The following KCNK18 variants were observed in gnomAD, a reference collection of about 807,000 sequenced individuals.
KCNK18 encodes the protein potassium channel subfamily K member 18.
In KCNK18, 8 loss-of-function variants were observed where a neutral mutation model predicts 11.8. That is an observed-to-expected ratio of 0.68 (90% CI 0.40 to 1.22). The LOEUF is 1.22. Among genes scored for constraint, KCNK18 ranks in the 50% most tolerant of loss-of-function variants. KCNK18 has a pLI of 0.01. For synonymous variants in KCNK18, 208 were observed against 185.8 expected, an observed-to-expected ratio of 1.12 and a Z score of -0.97; for missense variants, 442 against 465.4, an observed-to-expected ratio of 0.95 and a Z score of 0.46.
intron 2 of KCNK18, among the ~76,000 whole-genome samples, chr10:117,202,804 C>T (rs1317043949): frequency 6.6e-6 from 1 of 151,642 alleles, no homozygotes; most frequent in African/African-American, 2.4e-5. Context: ...CCGGTGTCTG[C>T]TGCACCCAGC....
rs75191586 is a variant in KCNK18 at position 117,197,778 on chromosome 10, G to A, written c.223+67G>A. The A allele has an allele frequency of 6.6e-3, 9,470 of 1,427,690 alleles. 337 individuals are homozygous for A. In the African/African-American group the frequency reaches 0.094, roughly 14 times the overall value. The allele number at this position is 1,427,690 out of a possible 1,614,324, so 88.4% of individuals were successfully genotyped here. The stretch of plus-strand genomic sequence containing the variant: ...TGGCAGCAGTCCCCCAAGAGCAGAG[G>A]GCTGCCTTCTAGGAGGCTGGGTCTG... On this transcript the variant is annotated intron_variant, in intron 1 of 2. Coordinates refer to ENST00000334549, the MANE Select transcript of KCNK18 (RefSeq NM_181840.1).
chr10:117,202,736 G>A (rs1465461539), intron 2 of KCNK18, among the ~76,000 whole-genome samples: 16 of 152,280 alleles, frequency 1.1e-4, no homozygotes, highest in Non-Finnish European at 2.4e-4. Flanking sequence ...TCCTAAATCA[G>A]CTGGGGGAGC....
At chr10:117,203,079 G>A (rs1381575438) in intron 2 of KCNK18, among the ~76,000 whole-genome samples, 1 of 151,962 alleles carries the variant, frequency 6.6e-6, no homozygotes, top group Non-Finnish European at 1.5e-5. Flanking sequence ...GTTTCACCAT[G>A]TTAGCCAGGC....
At chr10:117,204,998 A>G (rs1166632971) in intron 2 of KCNK18, among the ~76,000 whole-genome samples, 1 of 152,222 alleles carries the variant, frequency 6.6e-6, no homozygotes, top group Non-Finnish European at 1.5e-5. Flanking sequence ...ATTACAAACA[A>G]CTGGAAGAGG....
chr10:117,202,966 T>C lies in KCNK18; in HGVS notation c.352+1679T>C, dbSNP rs544907457. Among the ~76,000 whole-genome samples the C allele has an allele frequency of 9.8e-5, 14 of 143,478 alleles. 1 individual carries two copies. In the South Asian group the frequency reaches 2.9e-3, roughly 30 times the overall value. 94.1% of individuals were successfully genotyped at this position (143,478 alleles called of 152,430 possible). On this transcript the variant is annotated intron_variant, in intron 2 of 2. Transcript: ENST00000334549. ...ATCTTGGCTCACTGCAACCTCTGCT[T>C]CCCTGGTTCAAGTGATTCTTGTGTC... is the stretch of plus-strand genomic sequence containing the variant.
chr10:117,202,886 C>CTTTTTTTTTTTTT (rs201850637), intron 2 of KCNK18, among the ~76,000 whole-genome samples: 2 of 123,000 alleles, frequency 1.6e-5, no homozygotes, highest in African/African-American at 6.8e-5. Flanking sequence ...TGCCTGAATG[C>CTTTTTTTTTTTTT]TTTTTTTTTT....
intron 2 of KCNK18, among the ~76,000 whole-genome samples, chr10:117,202,391 C>T (rs925153050): frequency 3.3e-5 from 5 of 152,214 alleles, no homozygotes; most frequent in Non-Finnish European, 5.9e-5. Context: ...TGGCTTAAAC[C>T]GCAAGGAGAA....
At chr10:117,197,825 C>T (rs1854968435) in intron 1 of KCNK18, 114 bp downstream of exon 1, 2 of 855,460 alleles carry the variant, frequency 2.3e-6, no homozygotes, top group African/African-American at 3.3e-5. Flanking sequence ...CCTGGATCCT[C>T]CTCATGCCTG....
intron 2 of KCNK18, among the ~76,000 whole-genome samples, chr10:117,208,029 A>T (rs1855095566): frequency 6.6e-6 from 1 of 151,812 alleles, no homozygotes; most frequent in African/African-American, 2.4e-5. Flanking sequence ...AGGGGAGGGG[A>T]GGGGCTCCCG....
Position 117,209,723 on chromosome 10 carries a change from G to A in KCNK18, c.579G>A (p.Lys193=), listed in dbSNP as rs1855120859. Residue 193 remains lysine (K), a synonymous_variant, in exon 3 of 3, where the codon AAG becomes AAA. Transcript: ENST00000334549. ...KSLFKKKPDP[K]PADEAVPQII... ...TCTTCAAGAAAAAACCGGACCCCAA[G>A]CCCGCAGATGAAGCTGTCCCTCAGA... 2 of 1,613,808 alleles carry A rather than the reference G, an allele frequency of 1.2e-6. No homozygotes were observed. Among genetic ancestry groups the A allele is most frequent in the Admixed American group, 1.7e-5 (1 of 59,986 alleles).
chr10:117,207,824 G>T (rs1855093389), intron 2 of KCNK18, among the ~76,000 whole-genome samples: 1 of 152,210 alleles, frequency 6.6e-6, no homozygotes, highest in Admixed American at 6.5e-5. Context: ...CTGAGGAGTT[G>T]CCTTCAGATT....
Position 117,210,035 on chromosome 10 carries a change from A to G in KCNK18, c.891A>G (p.Ala297=). 6.2e-7 allele frequency: 1 copy of G among 1,614,218 alleles called. No individual in the cohort carries two copies. The highest frequency in any genetic ancestry group is 8.5e-7 in the Non-Finnish European group (1 of 1,180,046). ...TTGTTTTTGCCTACATTTCCTGTGC[A>G]GCTGCCATCCTCCCCTTCTGGGAGA... ...ALIVFAYISC[A]AAILPFWETQ... Residue 297 remains alanine, a synonymous_variant, in exon 3 of 3, where the codon GCA becomes GCG. Transcript: ENST00000334549.
chr10:117,202,885 G>GT lies in KCNK18; in HGVS notation c.352+1598_352+1599insT, dbSNP rs750157980. Among the ~76,000 whole-genome samples, 51 of 111,284 alleles carry GT rather than the reference G, an allele frequency of 4.6e-4. 9 individuals carry two copies. The highest frequency in any genetic ancestry group is 6.3e-4 in the Non-Finnish European group (36 of 57,270). The allele number at this position is 111,284 out of a possible 152,430, so 73.0% of individuals were successfully genotyped here. A position where few individuals can be genotyped will look rare whatever the true frequency, so the allele number is the denominator to read the frequency against. On this transcript the variant is annotated intron_variant, in intron 2 of 2. Transcript: ENST00000334549. ...CGTGGTTTCTCCCATTTGCCTGAATGCTTTTTTTTTTTTTTTTTTTTTTGA... is the reference window on the plus strand; with the variant it reads ...CGTGGTTTCTCCCATTTGCCTGAATGTCTTTTTTTTTTTTTTTTTTTTTTGA...
At position 117,209,753 on chromosome 10, in the gene KCNK18, C is replaced by T. The variant is rs1437794425; in HGVS notation, c.609C>T (p.Ile203=). 1.9e-6 allele frequency: 3 copies of T among 1,614,178 alleles called. No individual in the cohort carries two copies. The highest frequency in any genetic ancestry group is 2.5e-6 in the Non-Finnish European group (3 of 1,180,040). The stretch of plus-strand genomic sequence containing the variant: ...CAGATGAAGCTGTCCCTCAGATCAT[C>T]ATCAGTGCTGAAGAGCTTCCAGGCC... ...KPADEAVPQI[I]ISAEELPGPK... Residue 203 remains isoleucine (I), a synonymous_variant, in exon 3 of 3, where the codon ATC becomes ATT. Transcript: ENST00000334549.
chr10:117,208,066 C>T (rs1335467400), intron 2 of KCNK18, among the ~76,000 whole-genome samples: 3 of 152,260 alleles, frequency 2.0e-5, no homozygotes, highest in African/African-American at 7.2e-5. Context: ...CAGCGCATCC[C>T]TTCCTTTGCT....
At chr10:117,203,196 T>A (rs770930296) in intron 2 of KCNK18, among the ~76,000 whole-genome samples, 1 of 152,004 alleles carries the variant, frequency 6.6e-6, no homozygotes, top group African/African-American at 2.4e-5. Context: ...TGAATGCTGA[T>A]GCAGGCAGGG....
intron 2 of KCNK18, among the ~76,000 whole-genome samples, chr10:117,208,614 T>C (rs1295545788): frequency 9.2e-5 from 14 of 152,190 alleles, no homozygotes. Flanking sequence ...CTGAGGGCAA[T>C]TGTATTTTAT....
intron 2 of KCNK18, among the ~76,000 whole-genome samples, chr10:117,202,113 A>G (rs1166780825): frequency 6.6e-6 from 1 of 152,176 alleles, no homozygotes; most frequent in African/African-American, 2.4e-5. Context: ...TCCTCCTTCG[A>G]GAGAGCAAGT....
intron 2 of KCNK18, among the ~76,000 whole-genome samples, chr10:117,208,671 G>A (rs1855105753): frequency 6.6e-6 from 1 of 151,762 alleles, no homozygotes; most frequent in Non-Finnish European, 1.5e-5. Flanking sequence ...ACACTGCTGA[G>A]CACACCATGG....
Sources: gnomAD v4.1 joint callset for allele counts (sites outside exome capture counted in the v4.1 genomes callset) on GRCh38, gnomAD v4.1.1 for gene constraint, MANE v1.5 for transcripts, NCBI Gene and HGNC (gene_info 2026-07-23, HGNC 2026-07-21) for gene names.